The following ITPR2 variants were observed in gnomAD, a reference collection of about 807,000 sequenced individuals.
ITPR2 encodes inositol 1,4,5-trisphosphate-gated calcium channel ITPR2.
A neutral mutation model predicts 317.1 loss-of-function variants in ITPR2; 207 were observed. That is an observed-to-expected ratio of 0.65 (90% CI 0.58 to 0.73). The LOEUF (loss-of-function observed/expected upper bound fraction) is 0.73, where lower values mean the gene tolerates loss of function less well. Among genes scored for constraint, ITPR2 ranks in the 30% least tolerant of loss-of-function variants. The probability of loss-of-function intolerance (pLI) is 0.00; values close to 1 mark genes in which losing one functional copy is unlikely to be tolerated. For missense variants in ITPR2, 2,613 were observed against 3,284.0 expected (o/e 0.80, Z 4.99); for synonymous variants, 1,156 against 1,149.1 (o/e 1.01, Z -0.12).
At chr12:26,658,685 G>A (rs983103403) in intron 16 of ITPR2, among the ~76,000 whole-genome samples, 1 of 152,224 alleles carries the variant, frequency 6.6e-6, no homozygotes, top group Admixed American at 6.6e-5. Flanking sequence ...TTGATGTGGA[G>A]TCAGAAGCCC....
chr12:26,679,689 TA>T (rs1447133695), intron 13 of ITPR2, among the ~76,000 whole-genome samples: 4 of 152,198 alleles, frequency 2.6e-5, no homozygotes, highest in African/African-American at 4.8e-5. Flanking sequence ...TTTTTATTTT[TA>T]TTTTTTTGTA....
At chr12:26,567,979 TA>T (rs1945031883) in intron 34 of ITPR2, among the ~76,000 whole-genome samples, 1 of 1,192 alleles carries the variant, frequency 8.4e-4, no homozygotes, top group African/African-American at 1.8e-3. Flanking sequence ...TTATATATAT[TA>T]TATATATATA....
At chr12:26,471,541 G>A (rs1189500181) in intron 45 of ITPR2, among the ~76,000 whole-genome samples, 1 of 152,148 alleles carries the variant, frequency 6.6e-6, no homozygotes, top group African/African-American at 2.4e-5. Context: ...ATAGTTTTAT[G>A]TAGATCAGAC....
chr12:26,589,796 A>T lies in ITPR2; in HGVS notation c.4380+5669T>A, dbSNP rs1203253349. 6.1e-5 allele frequency among the ~76,000 whole-genome samples: 3 copies of T among 49,334 alleles called. 1 individual carries two copies. Among genetic ancestry groups the T allele is most frequent in the African/African-American group, 1.6e-4 (3 of 18,340 alleles). The allele number at this position is 49,334 out of a possible 152,430, so 32.4% of individuals were successfully genotyped here. On this transcript the variant is annotated intron_variant, in intron 32 of 56. Coordinates refer to ENST00000381340, the MANE Select transcript of ITPR2 (RefSeq NM_002223.4). ...AACGAAACTCTGTTTCAAAAAAAAA[A>T]ATAAATAAATAAAAAATAAATAAAT...
intron 42 of ITPR2, among the ~76,000 whole-genome samples, 183 bp downstream of exon 42, chr12:26,483,515 C>T (rs1363769987): frequency 2.0e-5 from 3 of 152,172 alleles, no homozygotes; most frequent in Admixed American, 2.0e-4. Flanking sequence ...CTTGTTTTTA[C>T]AATGAAATTA....
At chr12:26,682,534 G>T (rs753790283) in intron 12 of ITPR2, 40 bp downstream of exon 12, 1 of 1,249,862 alleles carries the variant, frequency 8.0e-7, no homozygotes, top group Non-Finnish European at 1.2e-6. Flanking sequence ...TATTCTCATG[G>T]CATTTGGCTG....
intron 30 of ITPR2, 27 bp from the exon 31 acceptor site, chr12:26,597,161 T>C: frequency 1.2e-6 from 2 of 1,611,840 alleles, no homozygotes; most frequent in Non-Finnish European, 8.5e-7. Flanking sequence ...AGAGTCTATG[T>C]AGCAGTCCGA....
At position 26,467,992 on chromosome 12, in the gene ITPR2, C is replaced by T. The variant is rs186647715; in HGVS notation, c.6342+7304G>A. Among the ~76,000 whole-genome samples, 290 of 152,164 alleles carry T rather than the reference C, an allele frequency of 1.9e-3. 1 individual carries two copies. The highest frequency in any genetic ancestry group is 6.6e-3 in the African/African-American group (272 of 41,526). On this transcript the variant is annotated intron_variant, in intron 45 of 56. Transcript: ENST00000381340. ...CCTGGGTGCCCAGATTTTGTAGATC[C>T]ACTACTAATTTAGTAGCCAGGTCCG...
intron 1 of ITPR2, among the ~76,000 whole-genome samples, chr12:26,820,409 G>A (rs1950921151): frequency 6.6e-6 from 1 of 152,116 alleles, no homozygotes; most frequent in South Asian, 2.1e-4. Flanking sequence ...GAGATATTCA[G>A]TGGCAAAACA....
chr12:26,826,825 C>T lies in ITPR2; in HGVS notation c.92+5865G>A, dbSNP rs139383144. 3.5e-3 allele frequency among the ~76,000 whole-genome samples: 536 copies of T among 152,270 alleles called. 1 individual carries two copies. The highest frequency in any genetic ancestry group is 5.9e-3 in the Non-Finnish European group (404 of 68,014). On this transcript the variant is annotated intron_variant, in intron 1 of 56. Coordinates refer to ENST00000381340, the MANE Select transcript of ITPR2 (RefSeq NM_002223.4). Reference sequence around the variant, plus strand: ...ATGCCGAGAACAGCCAAGGAAGGACCGATGCACCTTACACTGATTCTACTA... The same window carrying T: ...ATGCCGAGAACAGCCAAGGAAGGACTGATGCACCTTACACTGATTCTACTA...
chr12:26,514,309 A>C (rs527609773), intron 37 of ITPR2, among the ~76,000 whole-genome samples: 18 of 152,240 alleles, frequency 1.2e-4, no homozygotes, highest in Admixed American at 3.9e-4. Context: ...TGCAAAAAAC[A>C]AAGCGATTAC....
At chr12:26,696,342 G>A (rs1015199035) in intron 9 of ITPR2, among the ~76,000 whole-genome samples, 1 of 152,156 alleles carries the variant, frequency 6.6e-6, no homozygotes, top group Non-Finnish European at 1.5e-5. Flanking sequence ...AGCAATAGAT[G>A]TATGAGGTGT....
chr12:26,727,901 C>A (rs1371725686), intron 2 of ITPR2, among the ~76,000 whole-genome samples: 2 of 152,082 alleles, frequency 1.3e-5, no homozygotes, highest in Non-Finnish European at 2.9e-5. Context: ...AGCACAGGGG[C>A]AAGAGGGCTC....
chr12:26,465,925 T>C (rs1325992452), intron 45 of ITPR2, among the ~76,000 whole-genome samples: 1 of 152,210 alleles, frequency 6.6e-6, no homozygotes, highest in Non-Finnish European at 1.5e-5. Context: ...TTTGGGTGTG[T>C]CTGCTCACTA....
chr12:26,714,884 T>C (rs1948709622), intron 8 of ITPR2, among the ~76,000 whole-genome samples: 1 of 152,216 alleles, frequency 6.6e-6, no homozygotes, highest in African/African-American at 2.4e-5. Context: ...TAAACATTGT[T>C]CTCCTCAGGG....
At chr12:26,463,939 C>T (rs765572714) in intron 45 of ITPR2, among the ~76,000 whole-genome samples, 2 of 152,132 alleles carry the variant, frequency 1.3e-5, no homozygotes, top group African/African-American at 2.4e-5. Flanking sequence ...TTGCCCCCAT[C>T]TCTGTGCATA....
At chr12:26,372,668 G>A (rs1442957906) in intron 55 of ITPR2, among the ~76,000 whole-genome samples, 2 of 152,112 alleles carry the variant, frequency 1.3e-5, no homozygotes, top group African/African-American at 2.4e-5. Flanking sequence ...ATAAAGTGAG[G>A]CAACTGTGAT....
intron 55 of ITPR2, among the ~76,000 whole-genome samples, chr12:26,372,750 G>A (rs1235166737): frequency 6.6e-6 from 1 of 152,166 alleles, no homozygotes; most frequent in Non-Finnish European, 1.5e-5. Context: ...TTGGCAGTAT[G>A]TCTTTGTTTT....
intron 45 of ITPR2, among the ~76,000 whole-genome samples, chr12:26,468,696 T>C (rs1271455433): frequency 6.6e-6 from 1 of 152,166 alleles, no homozygotes; most frequent in African/African-American, 2.4e-5. Flanking sequence ...TTTTAAATTA[T>C]AATACTTAAA....
Sources: gnomAD v4.1 joint callset for allele counts (sites outside exome capture counted in the v4.1 genomes callset) on GRCh38, gnomAD v4.1.1 for gene constraint, MANE v1.5 for transcripts, NCBI Gene and HGNC (gene_info 2026-07-23, HGNC 2026-07-21) for gene names.